TENM2: variants seen among roughly 807,000 people sequenced by gnomAD.
TENM2 encodes teneurin-2.
Under a neutral mutation model 245.2 loss-of-function variants are expected in TENM2, and 52 were observed. The ratio of observed to expected loss-of-function variants is 0.21; its 90% CI spans 0.17 to 0.27. TENM2 has a LOEUF of 0.27. Among genes scored for constraint, TENM2 ranks in the 10% least tolerant of loss-of-function variants. TENM2 has a pLI of 1.00. For synonymous variants in TENM2, 1,363 were observed against 1,438.9 expected (o/e 0.95, Z 1.19); for missense variants, 3,046 against 3,666.8 (o/e 0.83, Z 4.37).
chr5:167,196,518 A>ATATATATATGTG, the TENM2 span, among the ~76,000 whole-genome samples: 285 of 140,378 alleles, frequency 2.0e-3, 2 homozygotes, highest in African/African-American at 8.8e-3. Flanking sequence ...ATGTGTGTGT[A>ATATATATATGTG]TATATATATG....
intron 7 of TENM2, among the ~76,000 whole-genome samples, chr5:168,073,331 G>C (rs2152134004): frequency 6.6e-6 from 1 of 152,298 alleles, no homozygotes; most frequent in Non-Finnish European, 1.5e-5. Context: ...TCCTGGAGGA[G>C]AGGCTACACA....
chr5:167,309,337 C>T (rs776892674), intron 1 of TENM2, among the ~76,000 whole-genome samples: 1 of 152,168 alleles, frequency 6.6e-6, no homozygotes, highest in Non-Finnish European at 1.5e-5. Flanking sequence ...GCATTCAGCA[C>T]ACTTCTGACT....
intron 2 of TENM2, among the ~76,000 whole-genome samples, chr5:167,496,185 C>G (rs1768803460): frequency 6.6e-6 from 1 of 152,036 alleles, no homozygotes; most frequent in Non-Finnish European, 1.5e-5. Context: ...CATTTCAGTC[C>G]ATTGCTTGAA....
At chr5:167,479,917 T>G (rs949071089) in intron 2 of TENM2, among the ~76,000 whole-genome samples, 1 of 152,194 alleles carries the variant, frequency 6.6e-6, no homozygotes, top group Non-Finnish European at 1.5e-5. Flanking sequence ...CATGACTGTT[T>G]GAATGGTTTA....
chr5:168,203,478 A>G (rs925514490), intron 17 of TENM2, among the ~76,000 whole-genome samples: 2 of 152,186 alleles, frequency 1.3e-5, no homozygotes, highest in Middle Eastern at 3.2e-3. Flanking sequence ...CTACTGTGTA[A>G]AGTTTCAAGG....
chr5:167,955,645 T>G (rs1780492333), intron 4 of TENM2, among the ~76,000 whole-genome samples: 1 of 152,218 alleles, frequency 6.6e-6, no homozygotes, highest in African/African-American at 2.4e-5. Flanking sequence ...AATTTTTGTA[T>G]AAGGCATAAG....
chr5:167,352,511 C>G (rs1758982935), intron 1 of TENM2, among the ~76,000 whole-genome samples: 1 of 152,102 alleles, frequency 6.6e-6, no homozygotes, highest in Non-Finnish European at 1.5e-5. Flanking sequence ...TTTTGGAAGA[C>G]ATTTATTTGT....
intron 13 of TENM2, among the ~76,000 whole-genome samples, chr5:168,176,619 G>C (rs377177637): frequency 1.3e-5 from 2 of 152,058 alleles, no homozygotes; most frequent in African/African-American, 2.4e-5. Flanking sequence ...TCAGAACACT[G>C]TCACTGTAAT....
the TENM2 span, among the ~76,000 whole-genome samples, chr5:167,057,783 TC>T: frequency 6.6e-6 from 1 of 152,144 alleles, no homozygotes; most frequent in Non-Finnish European, 1.5e-5. Context: ...TCAAAATAGT[TC>T]CTTTCCTCCT....
At chr5:167,203,569 G>A in the TENM2 span, among the ~76,000 whole-genome samples, 3 of 152,082 alleles carry the variant, frequency 2.0e-5, no homozygotes, top group Admixed American at 6.5e-5. Context: ...CATAACAACT[G>A]GAGCAGGAAG....
chr5:167,738,780 G>A (rs1760976810), intron 2 of TENM2, among the ~76,000 whole-genome samples: 1 of 152,082 alleles, frequency 6.6e-6, no homozygotes, highest in Admixed American at 6.5e-5. Context: ...CTTTCTGTGT[G>A]CACCCTCATC....
intron 2 of TENM2, among the ~76,000 whole-genome samples, chr5:167,562,744 G>A (rs1773674160): frequency 6.6e-6 from 1 of 151,992 alleles, no homozygotes; most frequent in Non-Finnish European, 1.5e-5. Context: ...ATCACCTGAG[G>A]TCAGGAGTTC....
intron 13 of TENM2, among the ~76,000 whole-genome samples, chr5:168,164,152 C>T (rs920279005): frequency 6.6e-6 from 1 of 152,218 alleles, no homozygotes; most frequent in Non-Finnish European, 1.5e-5. Flanking sequence ...TTTAACCTAA[C>T]CATTCATTCA....
At chr5:167,937,045 T>A (rs1388562530) in intron 3 of TENM2, among the ~76,000 whole-genome samples, 1 of 152,242 alleles carries the variant, frequency 6.6e-6, no homozygotes, top group Non-Finnish European at 1.5e-5. Context: ...CACCACGATG[T>A]TTTGATATAT....
intron 2 of TENM2, among the ~76,000 whole-genome samples, chr5:167,465,152 G>A (rs1766564713): frequency 6.6e-6 from 1 of 152,188 alleles, no homozygotes; most frequent in South Asian, 2.1e-4. Context: ...AAGCAGAGAT[G>A]TTCCCCACAT....
At chr5:167,760,090 T>G (rs1402074831) in intron 2 of TENM2, among the ~76,000 whole-genome samples, 2 of 152,138 alleles carry the variant, frequency 1.3e-5, no homozygotes, top group Non-Finnish European at 2.9e-5. Flanking sequence ...GGAGCTAAAT[T>G]TCTGAACTGA....
chr5:167,702,906 G>A (rs1051426977), intron 2 of TENM2, among the ~76,000 whole-genome samples: 67 of 151,724 alleles, frequency 4.4e-4, no homozygotes, highest in Non-Finnish European at 6.8e-4. Context: ...CCCATGATTC[G>A]CCCGCCTCAA....
At chr5:167,252,795 C>T in the TENM2 span, among the ~76,000 whole-genome samples, 22 of 152,206 alleles carry the variant, frequency 1.4e-4, no homozygotes, top group African/African-American at 5.1e-4. Flanking sequence ...TGACTTTTAC[C>T]TTGAGATCAC....
chr5:168,244,405 G>A lies in TENM2; in HGVS notation c.5521-15G>A. On this transcript the variant is annotated splice_polypyrimidine_tract_variant and intron_variant, in intron 25 of 28. Transcript: ENST00000518659. The surrounding 1 kb of genome is among the most constrained non-coding windows in gnomAD (Gnocchi z 4.9). ...GGGTGATGTCTTTCAAACAAGGCCT[G>A]TTGTGTTTTCCTAGGTCCATGGAAG... 1.3e-6 allele frequency: 2 copies of A among 1,510,710 alleles called. No homozygotes were observed. Among genetic ancestry groups the A allele is most frequent in the Non-Finnish European group, 8.9e-7 (1 of 1,119,722 alleles). The allele number at this position is 1,510,710 out of a possible 1,614,324, so 93.6% of individuals were successfully genotyped here. A position where few individuals can be genotyped will look rare whatever the true frequency, so the allele number is the denominator to read the frequency against.
Sources: allele counts gnomAD v4.1 joint callset (sites outside exome capture counted in the v4.1 genomes callset), GRCh38; gene constraint gnomAD v4.1.1; non-coding constraint Gnocchi (gnomAD v3.1); transcripts MANE v1.5; gene names NCBI Gene and HGNC (gene_info 2026-07-23, HGNC 2026-07-21).